SLC2A7: variants seen among roughly 807,000 people sequenced by gnomAD.
The protein encoded by SLC2A7 is solute carrier family 2, facilitated glucose transporter member 7.
SLC2A7 carries 50 observed loss-of-function variants against 50.5 expected under a neutral mutation model. The observed-to-expected ratio is 0.99, with a 90% confidence interval of 0.79 to 1.25. The LOEUF (loss-of-function observed/expected upper bound fraction) is 1.25, where lower values mean the gene tolerates loss of function less well. Ranked by LOEUF, SLC2A7 falls within the 50% of genes most tolerant of loss-of-function variation. The pLI is 0.00. For synonymous variants in SLC2A7, 308 were observed against 300.4 expected (o/e 1.03, Z -0.26); for missense variants, 683 against 679.1 (o/e 1.01, Z -0.06).
At chr1:9,013,937 C>G (rs987682470) in intron 7 of SLC2A7, among the ~76,000 whole-genome samples, 3 of 152,230 alleles carry the variant, frequency 2.0e-5, no homozygotes, top group Admixed American at 2.0e-4. Flanking sequence ...CATTCAGTTA[C>G]TCTAAGAGCT....
In SLC2A7 at chr1:9,008,546, T is replaced by C. The variant is rs773820359; in HGVS notation, c.1117-1161A>G. The stretch of plus-strand genomic sequence containing the variant: ...GGTCTCTGCAGGTGGCGCTCAGTCG[T>C]GCTCACCTCTTTTCACTTCCTAGAA... On this transcript the variant is annotated intron_variant, in intron 9 of 11. Coordinates refer to ENST00000400906, the MANE Select transcript of SLC2A7 (RefSeq NM_207420.3). The surrounding 1 kb of genome is among the most constrained non-coding windows in gnomAD (Gnocchi z 5.9). Among the ~76,000 whole-genome samples the C allele has an allele frequency of 7.9e-5, 12 of 151,858 alleles. No homozygotes were observed. The highest frequency in any genetic ancestry group is 1.5e-4 in the Non-Finnish European group (10 of 68,010).
chr1:8,999,155 T>A (rs906095621), downstream of SLC2A7, among the ~76,000 whole-genome samples: 42 of 152,286 alleles, frequency 2.8e-4, no homozygotes, highest in African/African-American at 9.9e-4. Flanking sequence ...TATCTATTTC[T>A]TTTTTGTTTT....
chr1:9,024,951 C>CA, intron 2 of SLC2A7, 25 bp downstream of exon 2: 1 of 1,609,480 alleles, frequency 6.2e-7, no homozygotes, highest in Non-Finnish European at 8.5e-7. Context: ...CTGCCCGGCC[C>CA]ACCTTGTGCC....
chr1:9,018,007 C>A (rs1557651452), intron 5 of SLC2A7, among the ~76,000 whole-genome samples: 1 of 152,248 alleles, frequency 6.6e-6, no homozygotes, highest in South Asian at 2.1e-4. Context: ...GAACCCCTAC[C>A]TGCCTCAGAG....
the SLC2A7 span, among the ~76,000 whole-genome samples, chr1:8,997,486 C>T: frequency 5.9e-5 from 9 of 151,956 alleles, no homozygotes; most frequent in South Asian, 1.7e-3. Context: ...CTGCAACCTT[C>T]GCCTCCTGGG....
chr1:9,007,481 C>T, intron 9 of SLC2A7, 96 bp from the exon 10 acceptor site: 1 of 1,156,876 alleles, frequency 8.6e-7, no homozygotes, highest in Non-Finnish European at 1.3e-6. Flanking sequence ...CAGGGAGGAG[C>T]TGCACCTAGA....
At position 9,014,951 on chromosome 1, in the gene SLC2A7, C is replaced by T. The variant is rs1260812772; in HGVS notation, c.716-83G>A. 4.0e-6 allele frequency: 6 copies of T among 1,504,932 alleles called. No individual in the cohort carries two copies. The Admixed American group carries it at 1.1e-4, about 27-fold the overall frequency. The allele number at this position is 1,504,932 out of a possible 1,614,324, so 93.2% of individuals were successfully genotyped here. A position where few individuals can be genotyped will look rare whatever the true frequency, so the allele number is the denominator to read the frequency against. On this transcript the variant is annotated intron_variant, in intron 6 of 11. Coordinates refer to ENST00000400906, the MANE Select transcript of SLC2A7 (RefSeq NM_207420.3). ...GCCCCCATGCTGGCCCTGAGCTCAC[C>T]ATTCCCTGACCTGACCTTGGTTGTG...
Position 9,025,222 on chromosome 1 carries a change from C to T in SLC2A7, c.52-148G>A. 7 of 762,408 alleles carry T rather than the reference C, an allele frequency of 9.2e-6. No individual in the cohort carries two copies. The South Asian group carries it at 1.2e-4, about 13-fold the overall frequency. The allele number at this position is 762,408 out of a possible 1,614,324, so 47.2% of individuals were successfully genotyped here. A position where few individuals can be genotyped will look rare whatever the true frequency, so the allele number is the denominator to read the frequency against. On this transcript the variant is annotated intron_variant, in intron 1 of 11. Transcript: ENST00000400906. ...CCCCGGAAAAGAGGAGGAGGTGGCG[C>T]AGGGCTGGGGCTTTTGGGGGCTGAG...
intron 3 of SLC2A7, 90 bp downstream of exon 3, chr1:9,022,828 A>G: frequency 6.6e-7 from 1 of 1,518,018 alleles, no homozygotes. Context: ...TTTCAGGGTC[A>G]CACGTCTCCC....
intron 10 of SLC2A7, 51 bp from the exon 11 acceptor site, chr1:9,004,930 C>A: frequency 6.3e-7 from 1 of 1,583,454 alleles, no homozygotes; most frequent in African/African-American, 1.3e-5. Flanking sequence ...AGGTGTCCCC[C>A]AGGGCTGGCG....
chr1:9,022,889 T>C (rs566407422), intron 3 of SLC2A7, 29 bp downstream of exon 3: 23 of 1,608,938 alleles, frequency 1.4e-5, no homozygotes, highest in Non-Finnish European at 1.9e-5. Flanking sequence ...GCATGAATTT[T>C]AAGTGGGAGC....
rs372723632 is a variant in SLC2A7 at position 9,023,089 on chromosome 1, T to G, written c.151-11A>C. ...AAATGACTTGAAGACCTGGAAAACA[T>G]TGCCCCATCCACAGCTAAGAATATT... On this transcript the variant is annotated splice_polypyrimidine_tract_variant and intron_variant, in intron 2 of 11. Coordinates refer to ENST00000400906, the MANE Select transcript of SLC2A7 (RefSeq NM_207420.3). The G allele has an allele frequency of 6.2e-7, 1 of 1,611,528 alleles. No individual in the cohort carries two copies. Among genetic ancestry groups the G allele is most frequent in the Non-Finnish European group, 8.5e-7 (1 of 1,178,026 alleles).
At chr1:9,010,300 G>A in intron 8 of SLC2A7, 56 bp from the exon 9 acceptor site, 1 of 1,425,266 alleles carries the variant, frequency 7.0e-7, no homozygotes, top group Non-Finnish European at 9.7e-7. Flanking sequence ...CACGGTTCTT[G>A]GGCCGAGCCT....
At position 9,015,158 on chromosome 1, in the gene SLC2A7, T is replaced by C; in HGVS notation, c.674A>G (p.Tyr225Cys). ...TLPFFPESPR[Y>C]SLIQKGDEAT... ...TTCATCTCCTTTCTGAATCAGGGAG[T>C]AGCGGGGGCTTTCGGGGAAGAAGGG... The change falls in exon 6 of 12, where the codon TAC becomes TGC. Residue 225 changes from tyrosine (Y) to cysteine (C), a missense_variant. Tyr to Cys is a radical substitution (Grantham distance 194). Coordinates refer to ENST00000400906, the MANE Select transcript of SLC2A7 (RefSeq NM_207420.3). 6 of 1,613,020 alleles carry C rather than the reference T, an allele frequency of 3.7e-6. No individual in the cohort carries two copies. Among genetic ancestry groups the C allele is most frequent in the Non-Finnish European group, 5.1e-6 (6 of 1,179,760 alleles).
chr1:9,013,453 T>A lies in SLC2A7; in HGVS notation c.1014+72A>T, dbSNP rs573107321. 2,091 of 1,353,536 alleles carry A rather than the reference T, an allele frequency of 1.5e-3. 2 individuals carry two copies. The highest frequency in any genetic ancestry group is 1.8e-3 in the Non-Finnish European group (1,686 of 961,588). 83.8% of individuals were successfully genotyped at this position (1,353,536 alleles called of 1,614,324 possible). A position where few individuals can be genotyped will look rare whatever the true frequency, so the allele number is the denominator to read the frequency against. On this transcript the variant is annotated intron_variant, in intron 8 of 11. Transcript: ENST00000400906. ...GGCCACCAGCACTCAGTTCACTCTG[T>A]GGGGCTCCTGTCTGCCTGGCGGCAC... is the stretch of plus-strand genomic sequence containing the variant.
chr1:9,007,177 C>A lies in SLC2A7; in HGVS notation c.1192+133G>T, dbSNP rs746112965. On this transcript the variant is annotated intron_variant, in intron 10 of 11. Coordinates refer to ENST00000400906, the MANE Select transcript of SLC2A7 (RefSeq NM_207420.3). ...TGCCATCAAGGCTGAGAACTAAGAA[C>A]GTGTGGGATCTGCGTGAGCACGGGG... 27 of 992,554 alleles carry A rather than the reference C, an allele frequency of 2.7e-5. No individual in the cohort carries two copies. The South Asian group carries it at 3.1e-4, about 11-fold the overall frequency. The allele number at this position is 992,554 out of a possible 1,614,324, so 61.5% of individuals were successfully genotyped here.
the SLC2A7 span, among the ~76,000 whole-genome samples, chr1:8,994,348 A>G: frequency 6.6e-6 from 1 of 152,134 alleles, no homozygotes; most frequent in East Asian, 1.9e-4. Flanking sequence ...AGCCAAGCAA[A>G]GTTCAAAGAC....
At chr1:9,020,631 T>A (rs899515131) in intron 3 of SLC2A7, among the ~76,000 whole-genome samples, 21 of 137,736 alleles carry the variant, frequency 1.5e-4, no homozygotes, top group Non-Finnish European at 3.0e-4. Flanking sequence ...GGCAGAGAGC[T>A]CCCGAGCTGT....
In SLC2A7 at chr1:9,023,062, T is replaced by A. The variant is rs1557653543; in HGVS notation, c.167A>T (p.Tyr56Phe). 1.8e-5 allele frequency: 29 copies of A among 1,613,646 alleles called. No homozygotes were observed. The highest frequency in any genetic ancestry group is 2.3e-5 in the Non-Finnish European group (27 of 1,179,732). ...NTPHKVFKSF[Y>F]NETYFERHAT... The stretch of plus-strand genomic sequence containing the variant: ...GTGTCGCTCAAAGTAGGTTTCGTTG[T>A]AAAATGACTTGAAGACCTGGAAAAC... Residue 56 changes from tyrosine to phenylalanine, a missense_variant, in exon 3 of 12, where the codon TAC (tyrosine) becomes TTC (phenylalanine). Coordinates refer to ENST00000400906, the MANE Select transcript of SLC2A7 (RefSeq NM_207420.3).
Sources: gnomAD v4.1 joint callset for allele counts (sites outside exome capture counted in the v4.1 genomes callset) on GRCh38, gnomAD v4.1.1 for gene constraint, Gnocchi (gnomAD v3.1) non-coding constraint, MANE v1.5 for transcripts, NCBI Gene and HGNC (gene_info 2026-07-23, HGNC 2026-07-21) for gene names.